The following NR1H4 variants were observed in gnomAD, a reference collection of about 807,000 sequenced individuals.
NR1H4 encodes the protein nuclear receptor subfamily 1 group H member 4.
NR1H4 carries 23 observed loss-of-function variants against 58.5 expected under a neutral mutation model. The observed-to-expected ratio is 0.39, with a 90% confidence interval of 0.28 to 0.56. NR1H4 has a LOEUF of 0.56. Among genes scored for constraint, NR1H4 ranks in the 20% least tolerant of loss-of-function variants. NR1H4 has a pLI of 0.58. For synonymous variants in NR1H4, 214 were observed against 198.0 expected (o/e 1.08, Z -0.68); for missense variants, 487 against 576.9 (o/e 0.84, Z 1.60).
intron 1 of NR1H4, among the ~76,000 whole-genome samples, chr12:100,491,876 C>T (rs1013526017): frequency 9.9e-5 from 15 of 152,104 alleles, no homozygotes; most frequent in African/African-American, 3.6e-4. Context: ...GCCCTTGAAA[C>T]TACATCCTCC....
chr12:100,527,568 T>C (rs988465238), intron 4 of NR1H4, among the ~76,000 whole-genome samples: 1 of 152,094 alleles, frequency 6.6e-6, no homozygotes, highest in African/African-American at 2.4e-5. Flanking sequence ...GGGTGTGAGC[T>C]TATCAAGGTT....
At chr12:100,529,347 C>T (rs1954636820) in intron 4 of NR1H4, among the ~76,000 whole-genome samples, 1 of 152,100 alleles carries the variant, frequency 6.6e-6, no homozygotes. Context: ...GCAATAGTCT[C>T]CTCTCTCTAG....
intron 9 of NR1H4, among the ~76,000 whole-genome samples, chr12:100,545,669 ACC>A (rs373201240): frequency 0.068 from 7,676 of 113,654 alleles, 1,439 homozygotes; most frequent in African/African-American, 0.24. Context: ...AAAAAAAAAA[ACC>A]AAACGGGGGG....
At chr12:100,540,858 G>C (rs1448961196) in intron 9 of NR1H4, 40 bp downstream of exon 9, 1 of 1,608,386 alleles carries the variant, frequency 6.2e-7, no homozygotes, top group East Asian at 2.2e-5. Context: ...TTGTTTCTAG[G>C]AGTAAAATTG....
intron 9 of NR1H4, among the ~76,000 whole-genome samples, chr12:100,558,204 CAAAA>C (rs569114964): frequency 1.2e-5 from 1 of 84,804 alleles, no homozygotes. Flanking sequence ...ACTAAAAATA[CAAAA>C]AAAAAAAAAA....
At chr12:100,506,586 G>T (rs1953971063) in intron 3 of NR1H4, among the ~76,000 whole-genome samples, 1 of 152,128 alleles carries the variant, frequency 6.6e-6, no homozygotes, top group South Asian at 2.1e-4. Context: ...GCTCATCACT[G>T]CAGGCTCCAC....
At chr12:100,539,916 G>A (rs1211699915) in intron 8 of NR1H4, among the ~76,000 whole-genome samples, 2 of 152,144 alleles carry the variant, frequency 1.3e-5, no homozygotes, top group African/African-American at 2.4e-5. Context: ...CAGGGCATGG[G>A]GCATGGGGTT....
chr12:100,532,635 T>G, intron 5 of NR1H4, 25 bp downstream of exon 5: 1 of 1,608,676 alleles, frequency 6.2e-7, no homozygotes, highest in South Asian at 1.1e-5. Context: ...CAATTACATT[T>G]CACTAAAAAT....
intron 9 of NR1H4, among the ~76,000 whole-genome samples, chr12:100,541,342 T>A (rs1954930510): frequency 6.6e-6 from 1 of 151,742 alleles, no homozygotes; most frequent in African/African-American, 2.4e-5. Flanking sequence ...AGTGTAGTGG[T>A]GTGATCTCGG....
At chr12:100,558,223 A>T (rs1955377528) in intron 9 of NR1H4, among the ~76,000 whole-genome samples, 1 of 142,996 alleles carries the variant, frequency 7.0e-6, no homozygotes, top group Non-Finnish European at 1.5e-5. Flanking sequence ...AAAAAAAAAA[A>T]TCAGCCAGGT....
At chr12:100,476,026 G>A (rs1445287091) in intron 1 of NR1H4, among the ~76,000 whole-genome samples, 3 of 152,124 alleles carry the variant, frequency 2.0e-5, no homozygotes, top group Non-Finnish European at 4.4e-5. Flanking sequence ...GAGCCACTGC[G>A]CCCAGCCAGG....
Position 100,563,401 on chromosome 12 carries a change from A to G in NR1H4, c.1343A>G (p.Asn448Ser), listed in dbSNP as rs760756841. The G allele has an allele frequency of 2.7e-5, 44 of 1,614,022 alleles. 1 individual carries two copies. Among genetic ancestry groups the G allele is most frequent in the Middle Eastern group, 1.6e-4 (1 of 6,084 alleles). The change falls in exon 11 of 11, where the codon AAT (asparagine) becomes AGT (serine). Residue 448 changes from asparagine (N) to serine (S), a missense_variant. Asn to Ser is a conservative substitution (Grantham distance 46). Coordinates refer to ENST00000392986, the MANE Select transcript of NR1H4 (RefSeq NM_001206979.2). The part of the protein sequence containing the change: ...LGRLTELRTF[N>S]HHHAEMLMSW... ...CGCCTGACTGAATTACGGACATTCA[A>G]TCATCACCACGCTGAGATGCTGATG...
At chr12:100,484,274 C>G (rs1175238263) in intron 1 of NR1H4, among the ~76,000 whole-genome samples, 1 of 152,134 alleles carries the variant, frequency 6.6e-6, no homozygotes, top group East Asian at 1.9e-4. Context: ...AAATCAGAGT[C>G]AAAGTTATTT....
In NR1H4 at chr12:100,531,055, T is replaced by C. The variant is rs899977164; in HGVS notation, c.446-1403T>C. Among the ~76,000 whole-genome samples, 6 of 152,296 alleles carry C rather than the reference T, an allele frequency of 3.9e-5. No individual in the cohort carries two copies. In the South Asian group the frequency reaches 1.2e-3, roughly 32 times the overall value. On this transcript the variant is annotated intron_variant, in intron 4 of 10. Transcript: ENST00000392986. ...TTAGGTCCATGTGAAGAGAACCACATAGAGTGACCTCAGTGTAAAAATTGT... is the reference window on the plus strand; with the variant it reads ...TTAGGTCCATGTGAAGAGAACCACACAGAGTGACCTCAGTGTAAAAATTGT...
intron 9 of NR1H4, among the ~76,000 whole-genome samples, chr12:100,551,697 C>G (rs1312830678): frequency 6.6e-6 from 1 of 152,198 alleles, no homozygotes; most frequent in African/African-American, 2.4e-5. Flanking sequence ...ATTTCCCAAG[C>G]TTTTTGTACT....
Position 100,481,644 on chromosome 12 carries a change from G to A in NR1H4, c.-190+7585G>A, listed in dbSNP as rs563961280. On this transcript the variant is annotated intron_variant, in intron 1 of 10. Transcript: ENST00000392986. ...AAAAAAATTAGCTGGGGCTGGGCAC[G>A]GTGGCTCATGCCTGAATCCCAGCAC... 2.2e-4 allele frequency among the ~76,000 whole-genome samples: 33 copies of A among 152,090 alleles called. No individual in the cohort carries two copies. In the South Asian group the frequency reaches 4.4e-3, roughly 20 times the overall value.
At chr12:100,558,059 T>C (rs1955371496) in intron 9 of NR1H4, among the ~76,000 whole-genome samples, 1 of 151,988 alleles carries the variant, frequency 6.6e-6, no homozygotes, top group African/African-American at 2.4e-5. Flanking sequence ...TTTGTTTTTG[T>C]TTTTAGAGAT....
At position 100,519,034 on chromosome 12, in the gene NR1H4, C is replaced by T. The variant is rs73378102; in HGVS notation, c.445+7891C>T. On this transcript the variant is annotated intron_variant, in intron 4 of 10. Transcript: ENST00000392986. ...AAGTCCTGACCTCAAGTGATCCACC[C>T]GTCTCAGCCTTCCAAAGTGCTGCGG... is the stretch of plus-strand genomic sequence containing the variant. Among the ~76,000 whole-genome samples the T allele has an allele frequency of 6.5e-3, 982 of 152,038 alleles. 16 individuals are homozygous for T. Among genetic ancestry groups the T allele is most frequent in the African/African-American group, 0.022 (911 of 41,476 alleles).
Position 100,563,718 on chromosome 12 carries a change from G to A in NR1H4, c.*229G>A. 1 of 523,680 alleles carries A rather than the reference G, an allele frequency of 1.9e-6. No homozygotes were observed. The highest frequency in any genetic ancestry group is 2.8e-5 in the South Asian group (1 of 36,178). The allele number at this position is 523,680 out of a possible 1,614,324, so 32.4% of individuals were successfully genotyped here. Reference sequence around the variant, plus strand: ...GGGAATCCTGCATTCTAATTGGCAAGCCCTGTTTGCCTAATTAAATTGATT... The same window carrying A: ...GGGAATCCTGCATTCTAATTGGCAAACCCTGTTTGCCTAATTAAATTGATT... On this transcript the variant is annotated 3_prime_UTR_variant, in exon 11 of 11. Coordinates refer to ENST00000392986, the MANE Select transcript of NR1H4 (RefSeq NM_001206979.2).
Sources: allele counts gnomAD v4.1 joint callset (sites outside exome capture counted in the v4.1 genomes callset), GRCh38; gene constraint gnomAD v4.1.1; transcripts MANE v1.5; gene names NCBI Gene and HGNC (gene_info 2026-07-23, HGNC 2026-07-21).